The following SLC12A6 variants were observed in gnomAD, a reference collection of about 807,000 sequenced individuals.
The protein encoded by SLC12A6 is K-Cl cotransporter 3.
A neutral mutation model predicts 135.3 loss-of-function variants in SLC12A6; 66 were observed. That is an observed-to-expected ratio of 0.49 (90% CI 0.40 to 0.60). SLC12A6 has a LOEUF of 0.60. Among genes scored for constraint, SLC12A6 ranks in the 20% least tolerant of loss-of-function variants. The probability of loss-of-function intolerance (pLI) is 0.00; values close to 1 mark genes in which losing one functional copy is unlikely to be tolerated. For synonymous variants in SLC12A6, 513 were observed against 508.8 expected (o/e 1.01, Z -0.11); for missense variants, 1,058 against 1,452.3 (o/e 0.73, Z 4.41).
intron 3 of SLC12A6, among the ~76,000 whole-genome samples, chr15:34,265,814 C>A (rs1893473980): frequency 6.6e-6 from 1 of 152,096 alleles, no homozygotes; most frequent in Non-Finnish European, 1.5e-5. Flanking sequence ...GATCCTAAAG[C>A]AGAACCAATT....
rs773761738 is a variant in SLC12A6 at position 34,265,414 on chromosome 15, AAC to A, written c.317-4396_317-4395del. ...CAACAACAGCAATTAAAAAAAAAAA[AAC>A]AAACAAAAAAGACAAAATAAAAACA... On this transcript the variant is annotated intron_variant, in intron 3 of 25. Coordinates refer to ENST00000354181, the MANE Select transcript of SLC12A6 (RefSeq NM_001365088.1). Among the ~76,000 whole-genome samples, 47 of 150,264 alleles carry A rather than the reference AAC, an allele frequency of 3.1e-4. 1 individual carries two copies. Among genetic ancestry groups the A allele is most frequent in the South Asian group, 1.3e-3 (6 of 4,706 alleles).
intron 3 of SLC12A6, among the ~76,000 whole-genome samples, chr15:34,269,328 G>A (rs1595468313): frequency 6.6e-6 from 1 of 151,896 alleles, no homozygotes; most frequent in East Asian, 1.9e-4. Context: ...CAGAAAAAAG[G>A]TATACCAAAG....
At chr15:34,296,539 T>C (rs531973703) in intron 2 of SLC12A6, among the ~76,000 whole-genome samples, 1 of 152,308 alleles carries the variant, frequency 6.6e-6, no homozygotes, top group Non-Finnish European at 1.5e-5. Flanking sequence ...GTAATATACA[T>C]AACTTTTAAT....
intron 22 of SLC12A6, 86 bp from the exon 23 acceptor site, chr15:34,236,901 T>A (rs1304012125): frequency 2.5e-6 from 2 of 796,952 alleles, no homozygotes; most frequent in Admixed American, 1.8e-5. Context: ...GTCACTAAAT[T>A]AAACCAGGGA....
chr15:34,237,513 GCT>G lies in SLC12A6; in HGVS notation c.2838_2839del (p.Ala947ProfsTer23). 6.2e-7 allele frequency: 1 copy of G among 1,612,092 alleles called. No homozygotes were observed. Among genetic ancestry groups the G allele is most frequent in the Non-Finnish European group, 8.5e-7 (1 of 1,178,316 alleles). ...TTGGATACTGTTGTCTTCTAATTGG[GCT>G]ACTGTGAAGATCCGTATGCTGCACT... On this transcript the variant is annotated frameshift_variant, in exon 22 of 26. Coordinates refer to ENST00000354181, the MANE Select transcript of SLC12A6 (RefSeq NM_001365088.1). LOFTEE classifies it high-confidence loss of function.
intron 2 of SLC12A6, among the ~76,000 whole-genome samples, chr15:34,291,867 C>G (rs1472271384): frequency 6.6e-6 from 1 of 152,080 alleles, no homozygotes; most frequent in African/African-American, 2.4e-5. Context: ...ACTGGTTATT[C>G]TAGTTAACCA....
chr15:34,264,659 CT>C (rs1210734299), intron 3 of SLC12A6, among the ~76,000 whole-genome samples: 1 of 151,876 alleles, frequency 6.6e-6, no homozygotes, highest in Non-Finnish European at 1.5e-5. Context: ...ATATATCACT[CT>C]TTTTTTTAAA....
At position 34,233,935 on chromosome 15, in the gene SLC12A6, C is replaced by T. The variant is rs747524478; in HGVS notation, c.3399G>A (p.Glu1133=). 4.4e-6 allele frequency: 7 copies of T among 1,606,418 alleles called. No homozygotes were observed. The highest frequency in any genetic ancestry group is 6.0e-6 in the Non-Finnish European group (7 of 1,173,044). The part of the protein sequence containing the change: ...EFLEVLTEGL[E]RVLLVRGGGS... ...CACCACCCCGGACAAGTAGGACTCG[C>T]TCTAGTCCCTCGGTAAGCACCTCTA... The change falls in exon 26 of 26, where the codon GAG becomes GAA. Residue 1133 remains glutamate, a synonymous_variant. Coordinates refer to ENST00000354181, the MANE Select transcript of SLC12A6 (RefSeq NM_001365088.1).
At chr15:34,334,677 C>T (rs1331077560) in intron 2 of SLC12A6, among the ~76,000 whole-genome samples, 1 of 152,014 alleles carries the variant, frequency 6.6e-6, no homozygotes, top group African/African-American at 2.4e-5. Context: ...ATCTGGGTAC[C>T]GGAGAATATT....
chr15:34,304,476 A>G (rs761069495), intron 2 of SLC12A6, among the ~76,000 whole-genome samples: 2 of 152,218 alleles, frequency 1.3e-5, no homozygotes, highest in African/African-American at 4.8e-5. Flanking sequence ...TGTTTTCCAA[A>G]GTAGTTGTAC....
chr15:34,277,539 C>T (rs1359381497), intron 2 of SLC12A6, among the ~76,000 whole-genome samples: 1 of 152,076 alleles, frequency 6.6e-6, no homozygotes, highest in African/African-American at 2.4e-5. Flanking sequence ...GTCACTCTCT[C>T]TCTTAGGGAA....
chr15:34,252,116 G>C, intron 10 of SLC12A6, 54 bp downstream of exon 10: 1 of 847,802 alleles, frequency 1.2e-6, no homozygotes, highest in Non-Finnish European at 2.0e-6. Flanking sequence ...AGATGACAAG[G>C]CCTATTTTCC....
At chr15:34,328,607 G>A (rs1043410887) in intron 2 of SLC12A6, among the ~76,000 whole-genome samples, 9 of 152,084 alleles carry the variant, frequency 5.9e-5, no homozygotes, top group Non-Finnish European at 1.0e-4. Flanking sequence ...GGCCAGGTGC[G>A]GTGGGTCACA....
chr15:34,286,587 G>C (rs1458949811), intron 2 of SLC12A6, among the ~76,000 whole-genome samples: 2 of 151,650 alleles, frequency 1.3e-5, no homozygotes, highest in Non-Finnish European at 2.9e-5. Flanking sequence ...TTGAGGTCAG[G>C]AGTTTGAGAC....
intron 2 of SLC12A6, among the ~76,000 whole-genome samples, chr15:34,318,359 ATT>A (rs1371428435): frequency 6.6e-6 from 1 of 152,220 alleles, no homozygotes; most frequent in Non-Finnish European, 1.5e-5. Flanking sequence ...CACAGAACTC[ATT>A]GTGGGGAAAA....
intron 22 of SLC12A6, 60 bp downstream of exon 22, chr15:34,237,358 AG>A (rs1403250905): frequency 1.3e-6 from 2 of 1,517,232 alleles, no homozygotes; most frequent in Admixed American, 1.7e-5. Context: ...AAAAGATTCA[AG>A]GAAGACAGGG....
At chr15:34,256,832 G>A (rs1448048040) in intron 6 of SLC12A6, among the ~76,000 whole-genome samples, 2 of 152,186 alleles carry the variant, frequency 1.3e-5, no homozygotes, top group Non-Finnish European at 2.9e-5. Context: ...TATAGTGGTG[G>A]TAGTGTGAAT....
At chr15:34,325,113 G>C (rs919967483) in intron 2 of SLC12A6, among the ~76,000 whole-genome samples, 21 of 152,146 alleles carry the variant, frequency 1.4e-4, no homozygotes, top group African/African-American at 5.1e-4. Context: ...GAATAGTTCT[G>C]TGTTAGAAAA....
At chr15:34,336,863 C>G (rs1890233808) in intron 1 of SLC12A6, 111 bp from the exon 2 acceptor site, 3 of 635,170 alleles carry the variant, frequency 4.7e-6, no homozygotes, top group South Asian at 3.7e-5. Context: ...GCCGACTGTC[C>G]TAGAAAGTGC....
Sources: allele counts gnomAD v4.1 joint callset (sites outside exome capture counted in the v4.1 genomes callset), GRCh38; gene constraint gnomAD v4.1.1; transcripts MANE v1.5; gene names NCBI Gene and HGNC (gene_info 2026-07-23, HGNC 2026-07-21).